The following DOCK9 variants were observed in gnomAD, a reference collection of about 807,000 sequenced individuals.
DOCK9 encodes dedicator of cytokinesis 9, also known as dedicator of cytokinesis protein 9.
Under a neutral mutation model 263.3 loss-of-function variants are expected in DOCK9, and 89 were observed. The ratio of observed to expected loss-of-function variants is 0.34; its 90% CI spans 0.28 to 0.40. DOCK9 has a LOEUF of 0.40. DOCK9 is among the 10% of genes least tolerant of loss of function. The pLI, the probability that DOCK9 is intolerant of heterozygous loss-of-function variation, is 1.00. For missense variants in DOCK9, 2,140 were observed against 2,603.4 expected (o/e 0.82, Z 3.87); for synonymous variants, 976 against 973.1 (o/e 1.00, Z -0.06).
chr13:98,877,128 G>A (rs2043982514), intron 27 of DOCK9, among the ~76,000 whole-genome samples: 1 of 152,166 alleles, frequency 6.6e-6, no homozygotes, highest in African/African-American at 2.4e-5. Context: ...GCTGGAAATG[G>A]CAGCACCTCT....
intron 45 of DOCK9, among the ~76,000 whole-genome samples, chr13:98,815,841 C>T (rs1319931203): frequency 1.3e-5 from 2 of 152,166 alleles, no homozygotes; most frequent in African/African-American, 2.4e-5. Flanking sequence ...ATGGTCCACA[C>T]AGTAGATGTA....
intron 3 of DOCK9, among the ~76,000 whole-genome samples, chr13:98,929,794 T>C (rs1486283484): frequency 6.6e-6 from 1 of 152,086 alleles, no homozygotes; most frequent in Non-Finnish European, 1.5e-5. Context: ...GATACATAAA[T>C]GTGTGTGTCA....
At chr13:99,013,701 C>A (rs925861333) in intron 1 of DOCK9, among the ~76,000 whole-genome samples, 1 of 151,918 alleles carries the variant, frequency 6.6e-6, no homozygotes, top group Admixed American at 6.6e-5. Context: ...GTATCCAGAA[C>A]GAGGTGAGGA....
intron 1 of DOCK9, among the ~76,000 whole-genome samples, chr13:99,035,061 T>G (rs988222028): frequency 4.6e-5 from 7 of 152,256 alleles, no homozygotes; most frequent in African/African-American, 1.7e-4. Flanking sequence ...TGAATCTGTG[T>G]TTCTGTCTTC....
chr13:98,925,168 CTAAATAAATAAAAA>C (rs1364352360), intron 4 of DOCK9, among the ~76,000 whole-genome samples: 4 of 151,820 alleles, frequency 2.6e-5, no homozygotes, highest in African/African-American at 7.3e-5. Flanking sequence ...TGTCTCAAAA[CTAAATAAATAAAAA>C]TAAATAAATA....
At chr13:98,965,971 T>C (rs2059149088) in intron 1 of DOCK9, among the ~76,000 whole-genome samples, 1 of 152,194 alleles carries the variant, frequency 6.6e-6, no homozygotes, top group South Asian at 2.1e-4. Flanking sequence ...CAAAATCTGA[T>C]TTTGTCAAAT....
intron 1 of DOCK9, among the ~76,000 whole-genome samples, chr13:98,994,529 T>C (rs1444437314): frequency 1.3e-5 from 2 of 152,212 alleles, no homozygotes; most frequent in Non-Finnish European, 2.9e-5. Flanking sequence ...GAGAATTACT[T>C]TTCAAATTTG....
intron 27 of DOCK9, among the ~76,000 whole-genome samples, chr13:98,874,804 C>T (rs1424278988): frequency 6.6e-6 from 1 of 152,164 alleles, no homozygotes; most frequent in Non-Finnish European, 1.5e-5. Context: ...TACTCTCTGT[C>T]ATCTCGCCAC....
intron 1 of DOCK9, among the ~76,000 whole-genome samples, chr13:99,026,420 C>T (rs990141086): frequency 2.0e-5 from 3 of 152,164 alleles, no homozygotes; most frequent in African/African-American, 7.2e-5. Context: ...CCTAACACAG[C>T]AAATGCCCAA....
At chr13:98,837,825 C>G (rs978625127) in intron 38 of DOCK9, among the ~76,000 whole-genome samples, 1 of 152,012 alleles carries the variant, frequency 6.6e-6, no homozygotes, top group Non-Finnish European at 1.5e-5. Flanking sequence ...TTTTTTCCCA[C>G]TCTGAAAGGG....
chr13:99,044,711 C>G (rs186123825), intron 1 of DOCK9, among the ~76,000 whole-genome samples: 34 of 152,206 alleles, frequency 2.2e-4, no homozygotes, highest in African/African-American at 8.2e-4. Flanking sequence ...AAACTTTGGG[C>G]TCCCTTATTA....
At chr13:98,852,387 T>C (rs2093598682) in intron 35 of DOCK9, among the ~76,000 whole-genome samples, 2 of 152,044 alleles carry the variant, frequency 1.3e-5, no homozygotes, top group Admixed American at 6.6e-5. Flanking sequence ...GCAAGAGGGA[T>C]TTTCCTACCA....
chr13:98,993,526 G>A (rs1317694116), intron 1 of DOCK9, among the ~76,000 whole-genome samples: 2 of 152,186 alleles, frequency 1.3e-5, no homozygotes, highest in African/African-American at 4.8e-5. Context: ...GATAAAGAAA[G>A]GAAAGACTGA....
intron 38 of DOCK9, among the ~76,000 whole-genome samples, chr13:98,840,465 T>A (rs747419515): frequency 1.3e-5 from 2 of 152,228 alleles, no homozygotes; most frequent in African/African-American, 2.4e-5. Context: ...ACAATTTTCA[T>A]TCTGTTGTCA....
intron 1 of DOCK9, among the ~76,000 whole-genome samples, chr13:99,056,003 C>T (rs1276852514): frequency 6.6e-6 from 1 of 152,138 alleles, no homozygotes. Flanking sequence ...ATGGTAACAA[C>T]AAAAGTGCCT....
At chr13:99,036,136 G>A (rs1296898334) in intron 1 of DOCK9, among the ~76,000 whole-genome samples, 1 of 152,148 alleles carries the variant, frequency 6.6e-6, no homozygotes, top group Non-Finnish European at 1.5e-5. Flanking sequence ...ATACATGGAT[G>A]TATAATACAT....
chr13:98,942,231 T>C (rs991687748), intron 2 of DOCK9, among the ~76,000 whole-genome samples: 1 of 116,264 alleles, frequency 8.6e-6, no homozygotes, highest in Non-Finnish European at 1.8e-5. Flanking sequence ...TTTTTTTTTT[T>C]GTTGTTTTTT....
At chr13:98,881,741 G>T in intron 24 of DOCK9, 114 bp from the exon 25 acceptor site, 1 of 1,285,536 alleles carries the variant, frequency 7.8e-7, no homozygotes, top group Non-Finnish European at 1.1e-6. Context: ...GAAACAAGGA[G>T]ACAAGGAATT....
intron 38 of DOCK9, among the ~76,000 whole-genome samples, chr13:98,843,240 C>T (rs1300389361): frequency 6.6e-6 from 1 of 152,158 alleles, no homozygotes; most frequent in Admixed American, 6.5e-5. Context: ...GGATCTATGT[C>T]ATATTGGTTG....
Sources: gnomAD v4.1 joint callset for allele counts (sites outside exome capture counted in the v4.1 genomes callset) on GRCh38, gnomAD v4.1.1 for gene constraint, MANE v1.5 for transcripts, NCBI Gene and HGNC (gene_info 2026-07-23, HGNC 2026-07-21) for gene names.